The following ZNF7 variants were observed in gnomAD, a reference collection of about 807,000 sequenced individuals.
ZNF7 encodes zinc finger protein 7, also known as C2-H2 type zinc finger protein.
In ZNF7, 10 loss-of-function variants were observed where a neutral mutation model predicts 12.0. That is an observed-to-expected ratio of 0.83 (90% CI 0.51 to 1.42). The LOEUF is 1.42. Ranked by LOEUF, ZNF7 falls within the 40% of genes most tolerant of loss-of-function variation. The probability of loss-of-function intolerance (pLI) is 0.00; values close to 1 mark genes in which losing one functional copy is unlikely to be tolerated. For missense variants in ZNF7, 854 were observed against 837.2 expected (o/e 1.02, Z -0.25); for synonymous variants, 334 against 295.0 (o/e 1.13, Z -1.35).
Position 144,841,921 on chromosome 8 carries a change from C to T in ZNF7, c.814C>T (p.His272Tyr). 1 of 1,614,120 alleles carries T rather than the reference C, an allele frequency of 6.2e-7. No individual in the cohort carries two copies. The highest frequency in any genetic ancestry group is 8.5e-7 in the Non-Finnish European group (1 of 1,180,030). ...GCAGCTTAATCAGCATCAGAGAATC[C>T]ACACGGGAGAGAAACCCTTTAAATG... Reference protein sequence around the residue: ...CSQLNQHQRIHTGEKPFKCTE... With the variant: ...CSQLNQHQRIYTGEKPFKCTE... The change falls in exon 5 of 5, where the codon CAC (histidine) becomes TAC (tyrosine). Residue 272 changes from histidine to tyrosine, a missense_variant. Transcript: ENST00000532777.
intron 3 of ZNF7, among the ~76,000 whole-genome samples, chr8:144,830,608 T>G (rs937999883): frequency 1.3e-5 from 2 of 152,368 alleles, no homozygotes; most frequent in South Asian, 2.1e-4. Context: ...TGCTACTGAT[T>G]ACACGCATTT....
rs34156018 is a variant in ZNF7, at chr8:144,843,165, A to G, written c.2058A>G (p.Gly686=). Residue 686 remains glycine (G), a synonymous_variant, in exon 5 of 5, where the codon GGA becomes GGG. Transcript: ENST00000532777. The stretch of plus-strand genomic sequence containing the variant: ...CCCAGCATCAAAAAATTCACATGGG[A>G]TAGACCACTTACATATAAATGTGTA... The part of the protein sequence containing the change: ...RLTQHQKIHM[G] The G allele has an allele frequency of 9.0e-5, 142 of 1,575,140 alleles. No individual in the cohort carries two copies. In the African/African-American group the frequency reaches 1.8e-3, roughly 20 times the overall value.
chr8:144,831,783 A>C (rs1828490633), intron 3 of ZNF7, among the ~76,000 whole-genome samples: 1 of 72,744 alleles, frequency 1.4e-5, no homozygotes, highest in East Asian at 5.5e-4. Context: ...ACTCCATCTA[A>C]AAAAAAAAAA....
At chr8:144,841,059 T>G in intron 4 of ZNF7, 1 of 361,568 alleles carries the variant, frequency 2.8e-6, no homozygotes, top group Non-Finnish European at 5.0e-6. Flanking sequence ...CCTTTGCCTC[T>G]GCATGGACTG....
intron 1 of ZNF7, chr8:144,828,069 T>C (rs1439134033): frequency 6.6e-6 from 1 of 152,270 alleles, no homozygotes; most frequent in Non-Finnish European, 1.5e-5. Context: ...CTGTTTGTCT[T>C]CTCTAAATTC....
chr8:144,840,272 A>G (rs1167222556), intron 4 of ZNF7, among the ~76,000 whole-genome samples: 1 of 152,174 alleles, frequency 6.6e-6, no homozygotes, highest in Admixed American at 6.5e-5. Context: ...CTGCTACACA[A>G]TGAGGTTGAA....
chr8:144,844,457 T>C (rs1400252016), downstream of ZNF7, among the ~76,000 whole-genome samples: 1 of 151,982 alleles, frequency 6.6e-6, no homozygotes, highest in African/African-American at 2.4e-5. Flanking sequence ...ACGCCTGTAA[T>C]CCCAGCACTT....
rs759160918 is a variant in ZNF7, at chr8:144,842,717, G to C, written c.1610G>C (p.Ser537Thr). The C allele has an allele frequency of 3.6e-5, 58 of 1,613,976 alleles. 1 individual carries two copies. The South Asian group carries it at 6.1e-4, about 17-fold the overall frequency. The change falls in exon 5 of 5, where the codon AGC becomes ACC. Residue 537 changes from serine (S) to threonine (T), a missense_variant. Transcript: ENST00000532777. ...CLQCGKAFSM[S>T]TQLTIHQRVH... ...CAATGCGGAAAAGCCTTCAGTATGA[G>C]CACACAGCTTACAATACATCAAAGG...
intron 4 of ZNF7, 60 bp downstream of exon 4, chr8:144,837,567 C>T (rs570046854): frequency 2.2e-6 from 3 of 1,341,324 alleles, no homozygotes; most frequent in South Asian, 2.6e-5. Flanking sequence ...CAGGAGGGGC[C>T]TCACAACTGT....
At chr8:144,843,792 A>G (rs1368545713), downstream of ZNF7, 3 of 152,116 alleles carry the variant, frequency 2.0e-5, no homozygotes, top group Non-Finnish European at 4.4e-5. Context: ...GGTTAAAATA[A>G]TTTACCTAAA....
At chr8:144,831,419 T>G (rs1292545619) in intron 3 of ZNF7, among the ~76,000 whole-genome samples, 1 of 152,206 alleles carries the variant, frequency 6.6e-6, no homozygotes, top group Non-Finnish European at 1.5e-5. Flanking sequence ...TGATGGTGTG[T>G]CACAGCTGCC....
chr8:144,842,138 G>A lies in ZNF7; in HGVS notation c.1031G>A (p.Ser344Asn). ...TGTCGTGAGTGTGGGAAAGCCTTCA[G>A]CCAGCAGTCGCAGCTGGTTAGACAC... Reference protein sequence around the residue: ...YGCRECGKAFSQQSQLVRHQR... With the variant: ...YGCRECGKAFNQQSQLVRHQR... Residue 344 changes from serine to asparagine, a missense_variant, in exon 5 of 5, where the codon AGC becomes AAC. Physicochemically the swap from Ser to Asn is conservative, Grantham distance 46 (BLOSUM62 1). Coordinates refer to ENST00000532777, the MANE Select transcript of ZNF7 (RefSeq NM_003416.4). 6.2e-7 allele frequency: 1 copy of A among 1,614,190 alleles called. No homozygotes were observed. Among genetic ancestry groups the A allele is most frequent in the Non-Finnish European group, 8.5e-7 (1 of 1,180,020 alleles).
chr8:144,841,936 C>G lies in ZNF7; in HGVS notation c.829C>G (p.Pro277Ala). Residue 277 changes from proline to alanine, a missense_variant, in exon 5 of 5, where the codon CCC becomes GCC. By Grantham distance (27) the Pro-to-Ala change is conservative. Transcript: ENST00000532777. ...QHQRIHTGEK[P>A]FKCTECGKAF... ...TCAGAGAATCCACACGGGAGAGAAA[C>G]CCTTTAAATGCACTGAGTGTGGAAA... The G allele has an allele frequency of 3.7e-6, 6 of 1,614,154 alleles. No homozygotes were observed. The highest frequency in any genetic ancestry group is 4.2e-6 in the Non-Finnish European group (5 of 1,180,038).
chr8:144,844,210 T>A (rs1228445316), downstream of ZNF7, among the ~76,000 whole-genome samples: 2 of 152,016 alleles, frequency 1.3e-5, no homozygotes, highest in Admixed American at 6.6e-5. Context: ...GAGGAAACAA[T>A]GTAGAGAAAC....
rs111562571 is a variant in ZNF7 at position 144,843,311 on chromosome 8, C to T, written c.*143C>T. ...CTCTCAAGAATATCCAACTTCAGGC[C>T]GAGTGTGGTGGCTTATGCCTGTCAT... On this transcript the variant is annotated 3_prime_UTR_variant, in exon 5 of 5. Coordinates refer to ENST00000532777, the MANE Select transcript of ZNF7 (RefSeq NM_003416.4). 3.3e-3 allele frequency: 3,571 copies of T among 1,086,242 alleles called. 82 individuals are homozygous for T. In the African/African-American group the frequency reaches 0.046, roughly 14 times the overall value. The allele number at this position is 1,086,242 out of a possible 1,614,324, so 67.3% of individuals were successfully genotyped here.
In ZNF7 at chr8:144,831,460, G is replaced by A. The variant is rs546715722; in HGVS notation, c.130+1856G>A. Among the ~76,000 whole-genome samples, 73 of 152,306 alleles carry A rather than the reference G, an allele frequency of 4.8e-4. 1 individual carries two copies. In the South Asian group the frequency reaches 7.5e-3, roughly 16 times the overall value. ...GCGGATGACATCAATTCCTAGATGC[G>A]TCCAAGAGATGGGAAAGGGTTTTAT... On this transcript the variant is annotated intron_variant, in intron 3 of 4. Transcript: ENST00000532777.
chr8:144,840,237 C>G (rs1270900036), intron 4 of ZNF7, among the ~76,000 whole-genome samples: 1 of 152,212 alleles, frequency 6.6e-6, no homozygotes, highest in African/African-American at 2.4e-5. Context: ...GAGATGCCTC[C>G]TGTCCTCACA....
At chr8:144,844,579 G>A (rs563935750), downstream of ZNF7, among the ~76,000 whole-genome samples, 33 of 151,956 alleles carry the variant, frequency 2.2e-4, no homozygotes, top group East Asian at 1.2e-3. Flanking sequence ...GCGTGGTGGC[G>A]GGCACCTGTA....
intron 3 of ZNF7, chr8:144,835,557 G>C (rs1269549391): frequency 2.0e-5 from 3 of 151,902 alleles, no homozygotes; most frequent in Non-Finnish European, 4.4e-5. Flanking sequence ...TCTGTTTTTT[G>C]GCAGCATCTT....
Sources: gnomAD v4.1 joint callset for allele counts (sites outside exome capture counted in the v4.1 genomes callset) on GRCh38, gnomAD v4.1.1 for gene constraint, MANE v1.5 for transcripts, NCBI Gene and HGNC (gene_info 2026-07-23, HGNC 2026-07-21) for gene names.